USP25: variants seen among roughly 807,000 people sequenced by gnomAD.
USP25 encodes the protein ubiquitin specific peptidase 25.
In USP25, 85 loss-of-function variants were observed where a neutral mutation model predicts 158.5. The observed-to-expected ratio is 0.54, with a 90% CI of 0.45 to 0.64. USP25 has a LOEUF of 0.64. USP25 is among the 30% of genes least tolerant of loss of function. USP25 has a pLI of 0.00. For missense variants in USP25, 1,242 were observed against 1,327.3 expected, an observed-to-expected ratio of 0.94 and a Z score of 1.00; for synonymous variants, 464 against 460.4, an observed-to-expected ratio of 1.01 and a Z score of -0.10.
At chr21:15,752,083 G>A (rs1374285644) in intron 1 of USP25, among the ~76,000 whole-genome samples, 2 of 151,074 alleles carry the variant, frequency 1.3e-5, no homozygotes, top group Non-Finnish European at 2.9e-5. Context: ...ACAGGCATGC[G>A]CCACCACGCC....
chr21:15,827,674 T>C (rs1227849730), intron 14 of USP25, among the ~76,000 whole-genome samples: 1 of 152,126 alleles, frequency 6.6e-6, no homozygotes, highest in African/African-American at 2.4e-5. Context: ...ATCCCATTAC[T>C]AGTCTGTAAC....
rs1473045942 is a variant in USP25 at position 15,730,332 on chromosome 21, G to A, written c.-62G>A. On this transcript the variant is annotated 5_prime_UTR_variant, in exon 1 of 26. Transcript: ENST00000400183. ...AGCTCGGCGGAGCGCGGCAGCCAGG[G>A]CCGGCGGAGGCGCGAGGAGCCGGGC... 24 of 1,081,280 alleles carry A rather than the reference G, an allele frequency of 2.2e-5. No homozygotes were observed. The highest frequency in any genetic ancestry group is 2.2e-6 in the Non-Finnish European group (2 of 893,676). 67.0% of individuals were successfully genotyped at this position (1,081,280 alleles called of 1,614,324 possible). A position where few individuals can be genotyped will look rare whatever the true frequency, so the allele number is the denominator to read the frequency against.
In USP25 at chr21:15,824,049, C is replaced by G. The variant is rs2037369736; in HGVS notation, c.1091C>G (p.Thr364Ser). ...SGKSGQEHWFTELPPVLTFEL... is the reference protein window; with the variant it reads ...SGKSGQEHWFSELPPVLTFEL... ...TTTATTTCCTTTCAGCATTGGTTTA[C>G]TGAATTACCACCTGTGTTAACATTT... Residue 364 changes from threonine (T) to serine (S), a missense_variant, in exon 11 of 26, where the codon ACT becomes AGT. Around this residue, in one of 3 missense-constraint regions of USP25, gnomAD observed 627 missense variants for 701.4 expected, o/e 0.89. Transcript: ENST00000400183. 5 of 1,612,720 alleles carry G rather than the reference C, an allele frequency of 3.1e-6. No homozygotes were observed. The highest frequency in any genetic ancestry group is 3.4e-6 in the Non-Finnish European group (4 of 1,179,338).
chr21:15,826,833 T>A lies in USP25; in HGVS notation c.1467-144T>A, dbSNP rs2037529198. The A allele has an allele frequency of 2.9e-6, 2 of 700,164 alleles. No individual in the cohort carries two copies. Among genetic ancestry groups the A allele is most frequent in the Non-Finnish European group, 4.6e-6 (2 of 432,398 alleles). The allele number at this position is 700,164 out of a possible 1,614,324, so 43.4% of individuals were successfully genotyped here. A position where few individuals can be genotyped will look rare whatever the true frequency, so the allele number is the denominator to read the frequency against. On this transcript the variant is annotated intron_variant, in intron 13 of 25. Transcript: ENST00000400183. This position sits in a 1 kb window ranked among gnomAD's most constrained non-coding sequence, Gnocchi z 4.8. ...TAGTTCTTATGTATTAAAAATCTCATTTGGATGTTAGATCAATCCACATAT... is the reference window on the plus strand; with the variant it reads ...TAGTTCTTATGTATTAAAAATCTCAATTGGATGTTAGATCAATCCACATAT...
intron 1 of USP25, among the ~76,000 whole-genome samples, chr21:15,743,145 A>G (rs866560389): frequency 6.6e-6 from 1 of 152,114 alleles, no homozygotes; most frequent in Non-Finnish European, 1.5e-5. Context: ...GGCTTTGTGA[A>G]TGGGGGTGTA....
At chr21:15,752,796 G>T (rs900867172) in intron 1 of USP25, among the ~76,000 whole-genome samples, 10 of 152,148 alleles carry the variant, frequency 6.6e-5, no homozygotes, top group Admixed American at 3.9e-4. Flanking sequence ...AATGGAAAGG[G>T]TATACCTTCA....
chr21:15,790,256 C>T (rs371336320), intron 4 of USP25, among the ~76,000 whole-genome samples: 3 of 151,906 alleles, frequency 2.0e-5, no homozygotes, highest in Non-Finnish European at 2.9e-5. Context: ...GCTGGCCAGT[C>T]GGGTCACTCT....
intron 4 of USP25, among the ~76,000 whole-genome samples, chr21:15,787,256 A>C (rs2035330059): frequency 1.3e-5 from 2 of 152,110 alleles, no homozygotes; most frequent in Non-Finnish European, 2.9e-5. Flanking sequence ...AGACAATCCC[A>C]AAAATTCATG....
chr21:15,786,066 G>A (rs1236216334), intron 4 of USP25, among the ~76,000 whole-genome samples: 2 of 152,028 alleles, frequency 1.3e-5, no homozygotes, highest in Non-Finnish European at 2.9e-5. Context: ...ATAAATTCTT[G>A]AACACACACA....
Position 15,843,662 on chromosome 21 carries a change from G to T in USP25, c.2337+1122G>T, listed in dbSNP as rs543249916. ...TGATGTGAACATCACTAACTCTAAA[G>T]CTTTTCCTGGAAAATGCTTTGTTTA... On this transcript the variant is annotated intron_variant, in intron 18 of 25. Coordinates refer to ENST00000400183, the MANE Select transcript of USP25 (RefSeq NM_001283041.3). The surrounding 1 kb of genome is among the most constrained non-coding windows in gnomAD (Gnocchi z 4.0). Among the ~76,000 whole-genome samples the T allele has an allele frequency of 4.7e-3, 716 of 152,192 alleles. 10 individuals carry two copies. Among genetic ancestry groups the T allele is most frequent in the African/African-American group, 0.016 (684 of 41,516 alleles).
intron 24 of USP25, among the ~76,000 whole-genome samples, chr21:15,874,893 G>A (rs1432273068): frequency 2.0e-5 from 3 of 152,154 alleles, no homozygotes; most frequent in South Asian, 2.1e-4. Flanking sequence ...GCAGGCTGGC[G>A]CAGCAGCTCA....
Position 15,770,578 on chromosome 21 carries a change from A to G in USP25, c.268+4437A>G, listed in dbSNP as rs191354920. Among the ~76,000 whole-genome samples, 367 of 152,236 alleles carry G rather than the reference A, an allele frequency of 2.4e-3. 5 individuals carry two copies. The highest frequency in any genetic ancestry group is 0.01 in the Middle Eastern group (3 of 294). ...TACTTACTCATTTTCCTTGCTTACC[A>G]CTGCTGCCACTGTGATTTTAGCAGC... On this transcript the variant is annotated intron_variant, in intron 3 of 25. Coordinates refer to ENST00000400183, the MANE Select transcript of USP25 (RefSeq NM_001283041.3).
chr21:15,748,458 T>G (rs903218808), intron 1 of USP25, among the ~76,000 whole-genome samples: 3 of 139,168 alleles, frequency 2.2e-5, no homozygotes, highest in East Asian at 2.0e-4. Flanking sequence ...TTTTTAGTTT[T>G]TTTTTTTTTT....
In USP25 at chr21:15,777,887, A is replaced by G. The variant is rs753731540; in HGVS notation, c.269-17A>G. ...TGTTTTACTTTTAATTTTGAGAAAG[A>G]TAGTTTTGCTTTTCAGATGTGATTG... On this transcript the variant is annotated splice_polypyrimidine_tract_variant and intron_variant, in intron 3 of 25. Coordinates refer to ENST00000400183, the MANE Select transcript of USP25 (RefSeq NM_001283041.3). The G allele has an allele frequency of 5.8e-6, 9 of 1,563,644 alleles. No individual in the cohort carries two copies. The highest frequency in any genetic ancestry group is 6.9e-6 in the Non-Finnish European group (8 of 1,162,014).
At chr21:15,809,911 A>G (rs1348866358) in intron 8 of USP25, among the ~76,000 whole-genome samples, 3 of 152,190 alleles carry the variant, frequency 2.0e-5, no homozygotes, top group African/African-American at 7.2e-5. Flanking sequence ...AAGGACAGGT[A>G]CTATAAATCA....
chr21:15,810,533 T>G (rs2036605636), intron 8 of USP25, among the ~76,000 whole-genome samples: 2 of 152,136 alleles, frequency 1.3e-5, no homozygotes, highest in South Asian at 4.1e-4. Context: ...AAAAAATGAA[T>G]TTTGGTATTA....
At chr21:15,751,681 C>T (rs1330143896) in intron 1 of USP25, among the ~76,000 whole-genome samples, 1 of 152,178 alleles carries the variant, frequency 6.6e-6, no homozygotes, top group African/African-American at 2.4e-5. Flanking sequence ...AGAATATAGG[C>T]ACTCTAATTT....
chr21:15,831,304 A>G (rs774743699), intron 15 of USP25, 97 bp from the exon 16 acceptor site: 473 of 1,148,788 alleles, frequency 4.1e-4, no homozygotes, highest in Admixed American at 7.3e-4. Context: ...AAATGCTCTT[A>G]TGGTTTTCTC....
At chr21:15,825,495 G>A (rs955913136) in intron 12 of USP25, among the ~76,000 whole-genome samples, 1 of 152,142 alleles carries the variant, frequency 6.6e-6, no homozygotes, top group Non-Finnish European at 1.5e-5. Context: ...TATGTGCCGG[G>A]AGCCTAGAGA....
Sources: gnomAD v4.1 joint callset for allele counts (sites outside exome capture counted in the v4.1 genomes callset) on GRCh38, gnomAD v4.1.1 for gene constraint, gnomAD v4.1.1 regional missense constraint, Gnocchi (gnomAD v3.1) non-coding constraint, MANE v1.5 for transcripts, NCBI Gene and HGNC (gene_info 2026-07-23, HGNC 2026-07-21) for gene names.